The following SLC24A3 variants were observed in gnomAD, a reference collection of about 807,000 sequenced individuals.
The protein encoded by SLC24A3 is sodium/potassium/calcium exchanger 3.
In SLC24A3, 28 loss-of-function variants were observed where a neutral mutation model predicts 75.8. The observed-to-expected ratio is 0.37, with a 90% CI of 0.27 to 0.51. The LOEUF is 0.51. Ranked by LOEUF, SLC24A3 falls within the 20% of genes least tolerant of loss-of-function variation. The pLI is 0.94. For missense variants in SLC24A3, 663 were observed against 847.8 expected, an observed-to-expected ratio of 0.78 and a Z score of 2.71; for synonymous variants, 372 against 334.1, an observed-to-expected ratio of 1.11 and a Z score of -1.24.
At chr20:19,503,883 G>T (rs1394845145) in intron 2 of SLC24A3, among the ~76,000 whole-genome samples, 1 of 152,122 alleles carries the variant, frequency 6.6e-6, no homozygotes, top group Non-Finnish European at 1.5e-5. Context: ...CTTTTAAATG[G>T]ATTATATTCT....
intron 2 of SLC24A3, among the ~76,000 whole-genome samples, chr20:19,325,761 C>CATAT (rs1568589782): frequency 2.2e-5 from 1 of 44,446 alleles, no homozygotes; most frequent in African/African-American, 1.1e-4. Flanking sequence ...TGTATACATA[C>CATAT]ATACATATAT....
At chr20:19,390,863 G>A (rs1199835833) in intron 2 of SLC24A3, among the ~76,000 whole-genome samples, 5 of 152,214 alleles carry the variant, frequency 3.3e-5, no homozygotes, top group African/African-American at 4.8e-5. Flanking sequence ...TTTGTAGCTC[G>A]GGGCTGCAGA....
chr20:19,335,227 T>C (rs1985103055), intron 2 of SLC24A3, among the ~76,000 whole-genome samples: 1 of 152,214 alleles, frequency 6.6e-6, no homozygotes, highest in Non-Finnish European at 1.5e-5. Flanking sequence ...GTCTCAAAGT[T>C]AGGAATTAAG....
At chr20:19,439,095 T>C (rs78192212) in intron 2 of SLC24A3, among the ~76,000 whole-genome samples, 5,295 of 152,264 alleles carry the variant, frequency 0.035, 127 homozygotes, top group Non-Finnish European at 0.058. Context: ...CCCATACAGA[T>C]GTTCCCATTC....
chr20:19,341,749 A>G (rs1985277677), intron 2 of SLC24A3, among the ~76,000 whole-genome samples: 1 of 152,146 alleles, frequency 6.6e-6, no homozygotes, highest in African/African-American at 2.4e-5. Flanking sequence ...CCTTTTTGAT[A>G]TCCTCTGTCT....
chr20:19,219,588 G>A (rs1163678334), intron 1 of SLC24A3, among the ~76,000 whole-genome samples: 1 of 152,086 alleles, frequency 6.6e-6, no homozygotes, highest in African/African-American at 2.4e-5. Context: ...GGAAAAGCTG[G>A]AACCTGAATA....
chr20:19,533,877 C>T (rs531822418), intron 3 of SLC24A3, among the ~76,000 whole-genome samples: 37 of 152,340 alleles, frequency 2.4e-4, no homozygotes, highest in Admixed American at 8.5e-4. Context: ...CCCCAGCTGT[C>T]CCACATCTCA....
rs991551439 is a variant in SLC24A3, at chr20:19,365,812, A to C, written c.271+84725A>C. ...ACATATCCAATTGCAAAAGTTTCCT[A>C]CTTTCTGGTTCAGGACACTGCCCTC... On this transcript the variant is annotated intron_variant, in intron 2 of 16. Coordinates refer to ENST00000328041, the MANE Select transcript of SLC24A3 (RefSeq NM_020689.4). Among the ~76,000 whole-genome samples, 52 of 152,016 alleles carry C rather than the reference A, an allele frequency of 3.4e-4. 1 individual carries two copies. The highest frequency in any genetic ancestry group is 5.2e-4 in the Admixed American group (8 of 15,270).
intron 6 of SLC24A3, among the ~76,000 whole-genome samples, chr20:19,635,391 C>A (rs975856641): frequency 1.4e-4 from 22 of 152,174 alleles, no homozygotes; most frequent in African/African-American, 5.3e-4. Flanking sequence ...AGCACAGAAT[C>A]AGAAAATTTG....
At chr20:19,464,331 A>G (rs2122498772) in intron 2 of SLC24A3, among the ~76,000 whole-genome samples, 1 of 152,346 alleles carries the variant, frequency 6.6e-6, no homozygotes, top group South Asian at 2.1e-4. Flanking sequence ...TCTCAGTTCA[A>G]GAGCACATGC....
intron 2 of SLC24A3, among the ~76,000 whole-genome samples, chr20:19,437,689 GGC>G (rs1987229382): frequency 6.6e-6 from 1 of 152,166 alleles, no homozygotes; most frequent in Non-Finnish European, 1.5e-5. Flanking sequence ...TCCACAGCCT[GGC>G]CCTGCCCTGC....
intron 1 of SLC24A3, among the ~76,000 whole-genome samples, chr20:19,231,266 G>T (rs1483798408): frequency 6.6e-6 from 1 of 152,214 alleles, no homozygotes; most frequent in Non-Finnish European, 1.5e-5. Flanking sequence ...AGTGTGGTTT[G>T]CAGAATAGTG....
At chr20:19,293,606 A>C (rs774522081) in intron 2 of SLC24A3, among the ~76,000 whole-genome samples, 9 of 149,158 alleles carry the variant, frequency 6.0e-5, no homozygotes, top group Non-Finnish European at 1.2e-4. Context: ...CAGTGAGCCG[A>C]GATGGCACCA....
At chr20:19,388,199 C>A (rs567070341) in intron 2 of SLC24A3, among the ~76,000 whole-genome samples, 2 of 152,190 alleles carry the variant, frequency 1.3e-5, no homozygotes, top group East Asian at 3.9e-4. Context: ...TTTATTTTTT[C>A]TAACTATCCC....
chr20:19,468,221 C>T (rs748472751), intron 2 of SLC24A3, among the ~76,000 whole-genome samples: 1 of 152,024 alleles, frequency 6.6e-6, no homozygotes, highest in South Asian at 2.1e-4. Flanking sequence ...GGATACTGAA[C>T]AAGATAGGGA....
chr20:19,241,954 G>A (rs1481391381), intron 1 of SLC24A3, among the ~76,000 whole-genome samples: 1 of 152,150 alleles, frequency 6.6e-6, no homozygotes, highest in Non-Finnish European at 1.5e-5. Context: ...GATCACATCG[G>A]GCAGCGAGTC....
chr20:19,545,816 C>T (rs571448115), intron 3 of SLC24A3, among the ~76,000 whole-genome samples: 1 of 152,120 alleles, frequency 6.6e-6, no homozygotes, highest in African/African-American at 2.4e-5. Flanking sequence ...TCGAATAGTG[C>T]TTTCATTTCT....
intron 12 of SLC24A3, among the ~76,000 whole-genome samples, chr20:19,688,951 C>T (rs1469070455): frequency 2.0e-5 from 3 of 151,898 alleles, no homozygotes; most frequent in African/African-American, 7.3e-5. Flanking sequence ...TATGTATATA[C>T]TATATTATAG....
chr20:19,485,816 C>T (rs1002052881), intron 2 of SLC24A3, among the ~76,000 whole-genome samples: 1 of 152,168 alleles, frequency 6.6e-6, no homozygotes, highest in African/African-American at 2.4e-5. Flanking sequence ...TCAACAGAAA[C>T]AAAGTGCCCC....
Sources: allele counts gnomAD v4.1 joint callset (sites outside exome capture counted in the v4.1 genomes callset), GRCh38; gene constraint gnomAD v4.1.1; transcripts MANE v1.5; gene names NCBI Gene and HGNC (gene_info 2026-07-23, HGNC 2026-07-21).